SOS1: variants seen among roughly 807,000 people sequenced by gnomAD.
The protein encoded by SOS1 is son of sevenless homolog 1.
SOS1 carries 25 observed loss-of-function variants against 157.6 expected under a neutral mutation model. That is an observed-to-expected ratio of 0.16 (90% CI 0.12 to 0.22). SOS1 has a LOEUF of 0.22. Ranked by LOEUF, SOS1 falls within the 10% of genes least tolerant of loss-of-function variation. SOS1 has a pLI of 1.00. For missense variants in SOS1, 1,237 were observed against 1,599.1 expected, an observed-to-expected ratio of 0.77 and a Z score of 3.86; for synonymous variants, 528 against 534.0, an observed-to-expected ratio of 0.99 and a Z score of 0.16.
At chr2:38,998,575 G>T (rs72916897) in intron 17 of SOS1, among the ~76,000 whole-genome samples, 6,438 of 152,136 alleles carry the variant, frequency 0.042, 332 homozygotes, top group African/African-American at 0.12. Flanking sequence ...TGTGCAAATT[G>T]CTTAATTAGT....
intron 1 of SOS1, among the ~76,000 whole-genome samples, chr2:39,106,268 T>TA (rs1673174842): frequency 6.6e-6 from 1 of 151,714 alleles, no homozygotes; most frequent in East Asian, 1.9e-4. Flanking sequence ...ATCTTCCTGT[T>TA]ACAGTTTTAA....
intron 2 of SOS1, among the ~76,000 whole-genome samples, chr2:39,061,730 G>T (rs866864420): frequency 5.3e-5 from 8 of 152,032 alleles, no homozygotes; most frequent in African/African-American, 1.9e-4. Context: ...ACTGAACAAT[G>T]AAAGATTCAT....
At chr2:39,110,431 G>T (rs371452119) in intron 1 of SOS1, among the ~76,000 whole-genome samples, 2 of 100,070 alleles carry the variant, frequency 2.0e-5, no homozygotes, top group African/African-American at 9.0e-5. Flanking sequence ...ACATACACAC[G>T]AATCATGTAA....
At chr2:39,003,953 A>G (rs947076031) in intron 17 of SOS1, among the ~76,000 whole-genome samples, 1 of 152,208 alleles carries the variant, frequency 6.6e-6, no homozygotes. Context: ...AGATGCCTGT[A>G]GCACCATCCC....
At chr2:39,097,042 G>C (rs563900240) in intron 1 of SOS1, among the ~76,000 whole-genome samples, 4 of 152,258 alleles carry the variant, frequency 2.6e-5, no homozygotes, top group African/African-American at 9.6e-5. Flanking sequence ...ATGAGGGATG[G>C]GAAGAGTTGG....
chr2:39,005,123 T>C (rs1431633428), intron 17 of SOS1, among the ~76,000 whole-genome samples: 6 of 152,168 alleles, frequency 3.9e-5, no homozygotes, highest in African/African-American at 1.4e-4. Context: ...CATATACACA[T>C]ACATACATAC....
intron 1 of SOS1, among the ~76,000 whole-genome samples, chr2:39,089,468 G>A (rs186991852): frequency 1.4e-5 from 2 of 143,950 alleles, no homozygotes; most frequent in East Asian, 4.2e-4. Flanking sequence ...GGAGGTGGAG[G>A]TTGCAGTGAG....
At chr2:39,056,908 G>A (rs1044529654) in intron 3 of SOS1, 42 bp from the exon 4 acceptor site, 1 of 1,345,770 alleles carries the variant, frequency 7.4e-7, no homozygotes, top group Admixed American at 1.7e-5. Flanking sequence ...ATCATATACT[G>A]TACATTTAAC....
intron 10 of SOS1, among the ~76,000 whole-genome samples, chr2:39,021,377 T>TA (rs1314216558): frequency 6.6e-6 from 1 of 151,602 alleles, no homozygotes; most frequent in African/African-American, 2.4e-5. Context: ...CTTTGTGAAA[T>TA]ATAGCAATTT....
chr2:39,041,415 T>C (rs1415188179), intron 6 of SOS1, among the ~76,000 whole-genome samples: 3 of 152,244 alleles, frequency 2.0e-5, no homozygotes, highest in Non-Finnish European at 4.4e-5. Flanking sequence ...ATCTTTTTGT[T>C]ATATACACTG....
chr2:39,111,232 C>CA (rs577025319), intron 1 of SOS1, among the ~76,000 whole-genome samples: 57 of 149,460 alleles, frequency 3.8e-4, no homozygotes, highest in African/African-American at 9.1e-4. Context: ...GACTCCATCT[C>CA]AAAAAAAAAT....
At chr2:39,031,347 G>C (rs1558478637) in intron 8 of SOS1, among the ~76,000 whole-genome samples, 3 of 152,164 alleles carry the variant, frequency 2.0e-5, no homozygotes, top group Admixed American at 2.0e-4. Context: ...TGCATCTTGG[G>C]GAGAGGGAGA....
chr2:39,047,809 A>G (rs1401970312), intron 6 of SOS1, among the ~76,000 whole-genome samples: 1 of 136,734 alleles, frequency 7.3e-6, no homozygotes, highest in African/African-American at 2.8e-5. Context: ...CCGGGATTGC[A>G]GGCATGCACC....
intron 10 of SOS1, among the ~76,000 whole-genome samples, chr2:39,016,827 T>C (rs1409207688): frequency 6.6e-6 from 1 of 152,116 alleles, no homozygotes; most frequent in African/African-American, 2.4e-5. Flanking sequence ...CAAGAGGAAT[T>C]TTAAGTTGAA....
intron 1 of SOS1, among the ~76,000 whole-genome samples, chr2:39,087,287 C>T (rs544422468): frequency 6.6e-6 from 1 of 152,180 alleles, no homozygotes; most frequent in African/African-American, 2.4e-5. Context: ...GAATACTTTC[C>T]TAGACAAAAT....
At position 38,995,129 on chromosome 2, in the gene SOS1, G is replaced by C. The variant is rs1365639175; in HGVS notation, c.3340C>G (p.His1114Asp). Reference protein sequence around the residue: ...VFDSDHSSPFHSSNDTVFIQV... With the variant: ...VFDSDHSSPFDSSNDTVFIQV... ...TTAGAATTTTTGCACCTACTTGAGTGAAAAGGGCTCGAATGATCGGAATCA... is the reference window on the plus strand; with the variant it reads ...TTAGAATTTTTGCACCTACTTGAGTCAAAAGGGCTCGAATGATCGGAATCA... Residue 1114 changes from histidine (H) to aspartate (D), a missense_variant, in exon 20 of 23, where the codon CAC becomes GAC. His to Asp is a moderately conservative substitution (Grantham distance 81, BLOSUM62 -1). This residue lies in a region of SOS1 where 306 missense variants were observed against 322.6 expected (regional missense o/e 0.95). Coordinates refer to ENST00000402219, the MANE Select transcript of SOS1 (RefSeq NM_005633.4). 2 of 1,613,740 alleles carry C rather than the reference G, an allele frequency of 1.2e-6. No individual in the cohort carries two copies. Among genetic ancestry groups the C allele is most frequent in the Non-Finnish European group, 1.7e-6 (2 of 1,179,840 alleles).
intron 3 of SOS1, among the ~76,000 whole-genome samples, chr2:39,058,168 G>A (rs753932628): frequency 2.0e-5 from 3 of 151,886 alleles, no homozygotes; most frequent in East Asian, 1.9e-4. Flanking sequence ...TCGAGCTTCC[G>A]GCAGTTATTC....
chr2:38,992,762 G>GCAAA (rs1267190669), intron 20 of SOS1: 2 of 152,122 alleles, frequency 1.3e-5, no homozygotes, highest in African/African-American at 4.8e-5. Context: ...AAAAAATCCT[G>GCAAA]CAAACAGTTA....
At chr2:39,076,410 A>G (rs1355124158) in intron 1 of SOS1, among the ~76,000 whole-genome samples, 1 of 152,104 alleles carries the variant, frequency 6.6e-6, no homozygotes, top group Non-Finnish European at 1.5e-5. Flanking sequence ...AAAAAAAAAA[A>G]ATAAGGGTAG....
Sources: gnomAD v4.1 joint callset for allele counts (sites outside exome capture counted in the v4.1 genomes callset) on GRCh38, gnomAD v4.1.1 for gene constraint, gnomAD v4.1.1 regional missense constraint, MANE v1.5 for transcripts, NCBI Gene and HGNC (gene_info 2026-07-23, HGNC 2026-07-21) for gene names.